LRP6: variants seen among roughly 807,000 people sequenced by gnomAD.
The protein encoded by LRP6 is LDL receptor related protein 6.
LRP6 carries 43 observed loss-of-function variants against 184.1 expected under a neutral mutation model. The observed-to-expected ratio is 0.23, with a 90% CI of 0.18 to 0.30. LRP6 has a LOEUF of 0.30. Among genes scored for constraint, LRP6 ranks in the 10% least tolerant of loss-of-function variants. LRP6 has a pLI of 1.00. For missense variants in LRP6, 1,571 were observed against 2,005.3 expected (o/e 0.78, Z 4.14); for synonymous variants, 719 against 684.9 (o/e 1.05, Z -0.78).
rs554274970 is a variant in LRP6 at position 12,138,702 on chromosome 12, G to T, written c.3398-168C>A. The T allele has an allele frequency of 5.1e-4, 690 of 1,358,680 alleles. 2 individuals are homozygous for T. The highest frequency in any genetic ancestry group is 7.8e-4 in the Middle Eastern group (3 of 3,832). The allele number at this position is 1,358,680 out of a possible 1,614,324, so 84.2% of individuals were successfully genotyped here. On this transcript the variant is annotated intron_variant, in intron 15 of 22. Coordinates refer to ENST00000261349, the MANE Select transcript of LRP6 (RefSeq NM_002336.3). Reference sequence around the variant, plus strand: ...ATGGTAAGACATACACTAGAAAACAGCCAATAAACTAGATATTAATATGCA... The same window carrying T: ...ATGGTAAGACATACACTAGAAAACATCCAATAAACTAGATATTAATATGCA...
rs188943968 is a variant in LRP6, at chr12:12,135,913, G to A, written c.3608-613C>T. On this transcript the variant is annotated intron_variant, in intron 16 of 22. Coordinates refer to ENST00000261349, the MANE Select transcript of LRP6 (RefSeq NM_002336.3). ...AAATTGCTAGGGAGAGGCCGGGTGC[G>A]GTGGCTCACGCCTGTAATCCTAGCA... Among the ~76,000 whole-genome samples, 583 of 151,744 alleles carry A rather than the reference G, an allele frequency of 3.8e-3. 3 individuals carry two copies. Among genetic ancestry groups the A allele is most frequent in the African/African-American group, 0.013 (529 of 41,372 alleles).
chr12:12,176,831 T>C (rs553441710), intron 7 of LRP6, among the ~76,000 whole-genome samples: 30 of 145,632 alleles, frequency 2.1e-4, no homozygotes, highest in African/African-American at 7.6e-4. Context: ...TATACAACAG[T>C]GTGAGCCCAA....
intron 12 of LRP6, chr12:12,155,155 C>CA (rs894757632): frequency 1.0e-4 from 47 of 471,898 alleles, no homozygotes; most frequent in Admixed American, 4.1e-4. Context: ...AAGATCACGC[C>CA]ACTTTACTCC....
At chr12:12,130,336 C>T (rs1002353359) in intron 19 of LRP6, among the ~76,000 whole-genome samples, 1 of 152,058 alleles carries the variant, frequency 6.6e-6, no homozygotes. Context: ...CAGGCATGCA[C>T]CACCACGCCT....
chr12:12,193,391 GAAACAGA>G (rs1863667848), intron 3 of LRP6, among the ~76,000 whole-genome samples: 1 of 149,566 alleles, frequency 6.7e-6, no homozygotes, highest in Non-Finnish European at 1.5e-5. Flanking sequence ...AAAAGGCAAT[GAAACAGA>G]AAACAGAAAA....
rs757480913 is a variant in LRP6 at position 12,135,209 on chromosome 12, G to A, written c.3699C>T (p.His1233=). The change falls in exon 17 of 23, where the codon CAC becomes CAT. Residue 1233 remains histidine, a synonymous_variant. Transcript: ENST00000261349. ...ATAGCTCATCTTGAAGTAGAACCAG[G>A]TGCATGGGGCAAGAACACCTTGTAG... ...DGTTRCSCPM[H]LVLLQDELSC... 8 of 1,613,822 alleles carry A rather than the reference G, an allele frequency of 5.0e-6. No individual in the cohort carries two copies. Among genetic ancestry groups the A allele is most frequent in the Non-Finnish European group, 6.8e-6 (8 of 1,179,824 alleles).
At chr12:12,190,495 C>G (rs1223268617) in intron 3 of LRP6, among the ~76,000 whole-genome samples, 1 of 152,230 alleles carries the variant, frequency 6.6e-6, no homozygotes, top group Non-Finnish European at 1.5e-5. Context: ...CTGTCACATT[C>G]TGCAACTTAC....
rs141589879 is a variant in LRP6, at chr12:12,221,697, T to C, written c.450-18297A>G. On this transcript the variant is annotated intron_variant, in intron 2 of 22. Coordinates refer to ENST00000261349, the MANE Select transcript of LRP6 (RefSeq NM_002336.3). The stretch of plus-strand genomic sequence containing the variant: ...TTAGAACCAGTGAAGAGGAACATAA[T>C]GTTCTCAAGCACCTGTTTATCCATA... Among the ~76,000 whole-genome samples, 6 of 152,296 alleles carry C rather than the reference T, an allele frequency of 3.9e-5. No individual in the cohort carries two copies. The East Asian group carries it at 1.2e-3, about 29-fold the overall frequency.
chr12:12,141,390 A>G (rs1949932585), intron 15 of LRP6, among the ~76,000 whole-genome samples: 2 of 152,220 alleles, frequency 1.3e-5, no homozygotes, highest in Admixed American at 6.5e-5. Context: ...CTCAAAGACA[A>G]TGGAGTTCTA....
At chr12:12,180,095 G>T in intron 6 of LRP6, 114 bp from the exon 7 acceptor site, 2 of 788,276 alleles carry the variant, frequency 2.5e-6, no homozygotes, top group Non-Finnish European at 4.1e-6. Context: ...TTAATGCCAA[G>T]GAAGGGGAAA....
intron 17 of LRP6, among the ~76,000 whole-genome samples, chr12:12,133,924 TTAAG>T (rs1302944699): frequency 6.7e-6 from 1 of 148,780 alleles, no homozygotes; most frequent in Non-Finnish European, 1.5e-5. Flanking sequence ...CTCAATGACA[TTAAG>T]TACATTCACA....
chr12:12,121,012 C>A lies in LRP6; in HGVS notation c.*114G>T. On this transcript the variant is annotated 3_prime_UTR_variant, in exon 23 of 23. Coordinates refer to ENST00000261349, the MANE Select transcript of LRP6 (RefSeq NM_002336.3). The stretch of plus-strand genomic sequence containing the variant: ...TCCCTACCCCATTTTATAATTTTAA[C>A]TGTACATGGTCTGCCTCATCCTTCT... 2.5e-6 allele frequency: 2 copies of A among 802,534 alleles called. No homozygotes were observed. Among genetic ancestry groups the A allele is most frequent in the Non-Finnish European group, 3.8e-6 (2 of 527,224 alleles). The allele number at this position is 802,534 out of a possible 1,614,324, so 49.7% of individuals were successfully genotyped here. A position where few individuals can be genotyped will look rare whatever the true frequency, so the allele number is the denominator to read the frequency against.
intron 19 of LRP6, among the ~76,000 whole-genome samples, chr12:12,130,227 C>CCTAGG (rs1335586338): frequency 4.0e-5 from 6 of 150,828 alleles, no homozygotes; most frequent in African/African-American, 1.5e-4. Flanking sequence ...TGCTCTGTCG[C>CCTAGG]CTAGGCTAGA....
chr12:12,250,689 C>A (rs540543400), intron 1 of LRP6, among the ~76,000 whole-genome samples: 53 of 152,140 alleles, frequency 3.5e-4, no homozygotes, highest in African/African-American at 1.0e-3. Flanking sequence ...GTGGCACAAT[C>A]TCGGCTCACT....
chr12:12,175,971 A>G (rs1298941745), intron 7 of LRP6, among the ~76,000 whole-genome samples: 1 of 152,034 alleles, frequency 6.6e-6, no homozygotes, highest in Non-Finnish European at 1.5e-5. Flanking sequence ...GCTATTAGTA[A>G]GAAGTACTAC....
At chr12:12,128,445 T>C (rs1328870665) in intron 19 of LRP6, among the ~76,000 whole-genome samples, 1 of 152,196 alleles carries the variant, frequency 6.6e-6, no homozygotes, top group Non-Finnish European at 1.5e-5. Context: ...CTTTCATTAT[T>C]ATCAATAAAC....
chr12:12,195,185 C>T (rs1056776896), intron 3 of LRP6, among the ~76,000 whole-genome samples: 4 of 151,990 alleles, frequency 2.6e-5, no homozygotes, highest in Admixed American at 6.5e-5. Context: ...TGTCTCGATA[C>T]ACTGATTTCC....
Position 12,161,920 on chromosome 12 carries a change from T to C in LRP6, c.2279+273A>G, listed in dbSNP as rs541472402. On this transcript the variant is annotated intron_variant, in intron 10 of 22. Coordinates refer to ENST00000261349, the MANE Select transcript of LRP6 (RefSeq NM_002336.3). Reference sequence around the variant, plus strand: ...GATGGATAATACCTCTTGGTATATATACTTAACATATCAGTATACTCATCA... The same window carrying C: ...GATGGATAATACCTCTTGGTATATACACTTAACATATCAGTATACTCATCA... Among the ~76,000 whole-genome samples, 3 of 147,580 alleles carry C rather than the reference T, an allele frequency of 2.0e-5. No homozygotes were observed. The East Asian group carries it at 6.1e-4, about 30-fold the overall frequency.
intron 2 of LRP6, among the ~76,000 whole-genome samples, chr12:12,223,226 C>A (rs1345925172): frequency 1.1e-4 from 16 of 150,092 alleles, no homozygotes; most frequent in Non-Finnish European, 1.3e-4. Flanking sequence ...TTTCCCAAAC[C>A]TTTTAGATGC....
Sources: gnomAD v4.1 joint callset for allele counts (sites outside exome capture counted in the v4.1 genomes callset) on GRCh38, gnomAD v4.1.1 for gene constraint, MANE v1.5 for transcripts, NCBI Gene and HGNC (gene_info 2026-07-23, HGNC 2026-07-21) for gene names.